The following GRID2 variants were observed in gnomAD, a reference collection of about 807,000 sequenced individuals.
The protein encoded by GRID2 is glutamate receptor ionotropic, delta-2.
GRID2 carries 33 observed loss-of-function variants against 114.8 expected under a neutral mutation model. The ratio of observed to expected loss-of-function variants is 0.29; its 90% CI spans 0.22 to 0.38. The LOEUF is 0.38. GRID2 is among the 10% of genes least tolerant of loss of function. The pLI is 1.00. For synonymous variants in GRID2, 505 were observed against 449.9 expected (o/e 1.12, Z -1.55); for missense variants, 1,184 against 1,257.7 (o/e 0.94, Z 0.89).
At chr4:92,792,150 G>A (rs1427450679) in intron 2 of GRID2, among the ~76,000 whole-genome samples, 1 of 151,662 alleles carries the variant, frequency 6.6e-6, no homozygotes, top group Non-Finnish European at 1.5e-5. Context: ...TCAGCATCAT[G>A]CATTTACTGT....
At chr4:93,188,151 G>A (rs887597157) in intron 4 of GRID2, among the ~76,000 whole-genome samples, 24 of 152,332 alleles carry the variant, frequency 1.6e-4, no homozygotes, top group Admixed American at 5.2e-4. Flanking sequence ...ACCAGACATT[G>A]CCCTAATGGG....
chr4:93,026,647 C>G (rs570897130), intron 2 of GRID2, among the ~76,000 whole-genome samples: 18 of 151,324 alleles, frequency 1.2e-4, no homozygotes, highest in African/African-American at 4.1e-4. Flanking sequence ...GTGAGGTGTG[C>G]GTGTGTGTGT....
At chr4:92,551,432 C>T (rs1726582344) in intron 1 of GRID2, among the ~76,000 whole-genome samples, 1 of 152,132 alleles carries the variant, frequency 6.6e-6, no homozygotes, top group South Asian at 2.1e-4. Flanking sequence ...CCTTAGTTGC[C>T]TGTAGCATTG....
chr4:93,028,030 G>T (rs1724040400), intron 2 of GRID2, among the ~76,000 whole-genome samples: 1 of 151,980 alleles, frequency 6.6e-6, no homozygotes, highest in Non-Finnish European at 1.5e-5. Context: ...ATTCACACTT[G>T]GAAATGTTCC....
chr4:92,804,933 A>G (rs1315924433), intron 2 of GRID2, among the ~76,000 whole-genome samples: 2 of 152,036 alleles, frequency 1.3e-5, no homozygotes, highest in Non-Finnish European at 2.9e-5. Flanking sequence ...AACTTACATT[A>G]TCCAACTTTA....
At chr4:93,543,755 C>T (rs1732907440) in intron 13 of GRID2, among the ~76,000 whole-genome samples, 1 of 144,414 alleles carries the variant, frequency 6.9e-6, no homozygotes, top group Admixed American at 6.8e-5. Flanking sequence ...AGAAGCAGCA[C>T]TCACTGGATC....
At chr4:93,585,785 G>C (rs1337284091) in intron 13 of GRID2, among the ~76,000 whole-genome samples, 1 of 151,476 alleles carries the variant, frequency 6.6e-6, no homozygotes, top group Non-Finnish European at 1.5e-5. Context: ...AGTTATTTTG[G>C]TACAAAAAAA....
At position 93,749,539 on chromosome 4, in the gene GRID2, C is replaced by G. The variant is rs138419102; in HGVS notation, c.2361-19671C>G. Reference sequence around the variant, plus strand: ...GGGAGAAAGTGGCATTGAGCCTCCTCCAGCTGACAAAGGACCAGAGAGGCA... The same window carrying G: ...GGGAGAAAGTGGCATTGAGCCTCCTGCAGCTGACAAAGGACCAGAGAGGCA... On this transcript the variant is annotated intron_variant, in intron 14 of 15. Transcript: ENST00000282020. 1.9e-4 allele frequency among the ~76,000 whole-genome samples: 29 copies of G among 152,274 alleles called. 1 individual carries two copies. The highest frequency in any genetic ancestry group is 6.7e-4 in the African/African-American group (28 of 41,554).
At chr4:93,136,473 A>G (rs975890686) in intron 4 of GRID2, among the ~76,000 whole-genome samples, 3 of 152,150 alleles carry the variant, frequency 2.0e-5, no homozygotes, top group East Asian at 1.9e-4. Context: ...CTGAAGATCA[A>G]TGAGATGAAA....
At chr4:92,380,870 A>T (rs772846997) in intron 1 of GRID2, among the ~76,000 whole-genome samples, 57 of 152,020 alleles carry the variant, frequency 3.7e-4, no homozygotes, top group Non-Finnish European at 5.6e-4. Context: ...CTGTAAGTGT[A>T]AATTTGACTA....
intron 1 of GRID2, among the ~76,000 whole-genome samples, chr4:92,498,604 CTTTCT>C (rs1278616438): frequency 1.3e-5 from 2 of 151,580 alleles, no homozygotes; most frequent in Non-Finnish European, 2.9e-5. Flanking sequence ...AAAAAATTAA[CTTTCT>C]TAATGAATGG....
chr4:93,528,793 A>G (rs1442072156), intron 13 of GRID2, among the ~76,000 whole-genome samples: 2 of 152,278 alleles, frequency 1.3e-5, no homozygotes, highest in South Asian at 4.1e-4. Context: ...ACAAAAACTC[A>G]TGTTATTCGG....
chr4:93,252,329 A>ATTTTTTTTTT (rs56056248), intron 8 of GRID2, among the ~76,000 whole-genome samples: 2 of 119,760 alleles, frequency 1.7e-5, no homozygotes, highest in African/African-American at 3.2e-5. Flanking sequence ...GGAATCCTTC[A>ATTTTTTTTTT]TTTTTTTTTT....
At chr4:93,245,360 T>C (rs1340738183) in intron 8 of GRID2, among the ~76,000 whole-genome samples, 1 of 152,158 alleles carries the variant, frequency 6.6e-6, no homozygotes, top group Non-Finnish European at 1.5e-5. Context: ...TTAACCAGAA[T>C]GTTAGTGGGT....
At chr4:93,511,249 T>G (rs1195618322) in intron 12 of GRID2, among the ~76,000 whole-genome samples, 1 of 152,166 alleles carries the variant, frequency 6.6e-6, no homozygotes. Flanking sequence ...AAATTAATTT[T>G]AAATGCTTGA....
intron 2 of GRID2, among the ~76,000 whole-genome samples, chr4:92,643,994 TTTA>T: frequency 6.6e-6 from 1 of 151,848 alleles, no homozygotes; most frequent in South Asian, 2.1e-4. Flanking sequence ...TTATGAATGC[TTTA>T]TTAAGATTAC....
intron 13 of GRID2, among the ~76,000 whole-genome samples, chr4:93,614,276 G>A (rs1287535987): frequency 2.6e-5 from 4 of 152,176 alleles, no homozygotes; most frequent in South Asian, 2.1e-4. Context: ...CGTCTTCTGC[G>A]TCGCTCACGC....
intron 1 of GRID2, among the ~76,000 whole-genome samples, chr4:92,538,075 ATTAG>A (rs1725742966): frequency 6.6e-6 from 1 of 151,990 alleles, no homozygotes; most frequent in Non-Finnish European, 1.5e-5. Flanking sequence ...TTCTGTATTT[ATTAG>A]TTACTTACTA....
At chr4:92,423,583 A>T (rs1272660158) in intron 1 of GRID2, among the ~76,000 whole-genome samples, 2 of 152,174 alleles carry the variant, frequency 1.3e-5, no homozygotes, top group Non-Finnish European at 2.9e-5. Context: ...CAACTTAATA[A>T]GAGAAGTGTT....
Sources: allele counts gnomAD v4.1 joint callset (sites outside exome capture counted in the v4.1 genomes callset), GRCh38; gene constraint gnomAD v4.1.1; transcripts MANE v1.5; gene names NCBI Gene and HGNC (gene_info 2026-07-23, HGNC 2026-07-21).